Variants in C12orf50 observed in about 807,000 individuals in gnomAD.
C12orf50 encodes zinc finger CCCH-type containing 11D, also known as uncharacterized protein C12orf50.
In C12orf50, 35 loss-of-function variants were observed where a neutral mutation model predicts 61.6. That is an observed-to-expected ratio of 0.57 (90% CI 0.43 to 0.75). The LOEUF (loss-of-function observed/expected upper bound fraction) is 0.75. Ranked by LOEUF, C12orf50 falls within the 30% of genes least tolerant of loss-of-function variation. The pLI is 0.00. For synonymous variants in C12orf50, 178 were observed against 161.5 expected, an observed-to-expected ratio of 1.10 and a Z score of -0.77; for missense variants, 475 against 488.5, an observed-to-expected ratio of 0.97 and a Z score of 0.26.
In C12orf50 at chr12:88,002,045, G is replaced by T. The variant is rs559821978; in HGVS notation, c.134-3855C>A. Among the ~76,000 whole-genome samples the T allele has an allele frequency of 2.0e-5, 3 of 151,486 alleles. No individual in the cohort carries two copies. In the South Asian group the frequency reaches 6.2e-4, roughly 32 times the overall value. Reference sequence around the variant, plus strand: ...ATGTGCTTCATTCTGTTTGCTTTAGGTTTAATGTGCTTTTCTTTTTCCAGT... The same window carrying T: ...ATGTGCTTCATTCTGTTTGCTTTAGTTTTAATGTGCTTTTCTTTTTCCAGT... On this transcript the variant is annotated intron_variant, in intron 3 of 12. Transcript: ENST00000298699.
At chr12:88,014,690 G>A (rs1366407833) in intron 3 of C12orf50, among the ~76,000 whole-genome samples, 1 of 152,216 alleles carries the variant, frequency 6.6e-6, no homozygotes, top group East Asian at 1.9e-4. Context: ...TCTGGCCTCT[G>A]TGGACCTCAT....
At chr12:87,983,045 G>A (rs2136395841) in intron 12 of C12orf50, 58 bp downstream of exon 12, 1 of 1,061,148 alleles carries the variant, frequency 9.4e-7, no homozygotes, top group South Asian at 1.5e-5. Flanking sequence ...CCTTGCACTT[G>A]AAAACTTATT....
intron 12 of C12orf50, among the ~76,000 whole-genome samples, chr12:87,981,147 G>A (rs574475346): frequency 6.6e-6 from 1 of 152,254 alleles, no homozygotes; most frequent in South Asian, 2.1e-4. Flanking sequence ...GTCCAATTCA[G>A]TGATTTATTA....
intron 7 of C12orf50, among the ~76,000 whole-genome samples, chr12:87,994,026 C>G (rs914192548): frequency 7.2e-5 from 11 of 151,790 alleles, no homozygotes; most frequent in African/African-American, 2.7e-4. Flanking sequence ...ATGGTGAAAC[C>G]CCGTCTCTAC....
chr12:87,999,751 T>C (rs560382650), intron 3 of C12orf50, among the ~76,000 whole-genome samples: 12 of 152,130 alleles, frequency 7.9e-5, no homozygotes, highest in Non-Finnish European at 1.2e-4. Context: ...ACATTATTTA[T>C]AATAGTCAAA....
In C12orf50 at chr12:87,980,287, G is replaced by T; in HGVS notation, c.*44C>A. The stretch of plus-strand genomic sequence containing the variant: ...CATTTTTGATTGTAAATCAGATGAT[G>T]TCTGGCAATTTTTTCTCATTTTTCT... On this transcript the variant is annotated 3_prime_UTR_variant, in exon 13 of 13. Coordinates refer to ENST00000298699, the MANE Select transcript of C12orf50 (RefSeq NM_152589.3). 6.3e-7 allele frequency: 1 copy of T among 1,578,332 alleles called. No homozygotes were observed. The highest frequency in any genetic ancestry group is 8.7e-7 in the Non-Finnish European group (1 of 1,151,332).
intron 3 of C12orf50, among the ~76,000 whole-genome samples, chr12:88,009,119 A>C (rs933079498): frequency 6.6e-6 from 1 of 152,140 alleles, no homozygotes; most frequent in Non-Finnish European, 1.5e-5. Flanking sequence ...TATTTAATAC[A>C]TGTATCCAGA....
At chr12:87,996,324 A>G (rs753640279) in intron 6 of C12orf50, 50 bp downstream of exon 6, 3 of 1,250,930 alleles carry the variant, frequency 2.4e-6, no homozygotes, top group Non-Finnish European at 2.3e-6. Context: ...AGTCTATCAC[A>G]CCAAGTATAT....
In C12orf50 at chr12:88,000,083, A is replaced by T. The variant is rs142735680; in HGVS notation, c.134-1893T>A. 6.5e-3 allele frequency among the ~76,000 whole-genome samples: 994 copies of T among 152,206 alleles called. 13 individuals carry two copies. The highest frequency in any genetic ancestry group is 0.023 in the African/African-American group (955 of 41,572). ...GTGAGTTTGTTTTTTGGAGTGATCC[A>T]ATGTTTCATTGGAAAGAAATGAGAG... On this transcript the variant is annotated intron_variant, in intron 3 of 12. Transcript: ENST00000298699.
chr12:87,992,428 G>A (rs959449589), intron 7 of C12orf50, among the ~76,000 whole-genome samples: 1 of 151,968 alleles, frequency 6.6e-6, no homozygotes, highest in Admixed American at 6.6e-5. Context: ...TATACATAGA[G>A]AGAGAAATGC....
intron 3 of C12orf50, among the ~76,000 whole-genome samples, chr12:87,999,125 A>G (rs76614495): frequency 2.3e-3 from 348 of 152,328 alleles, no homozygotes; most frequent in Non-Finnish European, 4.1e-3. Flanking sequence ...ACACCTGCCA[A>G]CAAGTCCCAG....
chr12:88,028,636 A>G (rs2032792092), intron 1 of C12orf50, among the ~76,000 whole-genome samples: 1 of 152,154 alleles, frequency 6.6e-6, no homozygotes, highest in Admixed American at 6.5e-5. Context: ...AATTTCAAAT[A>G]GGAAAACAGA....
chr12:87,987,710 T>C (rs971471285), intron 9 of C12orf50, 140 bp downstream of exon 9: 6 of 616,954 alleles, frequency 9.7e-6, no homozygotes, highest in Middle Eastern at 4.1e-4. Flanking sequence ...GTAGAGGATA[T>C]TGTGTCTTTA....
At chr12:88,026,651 A>G in intron 2 of C12orf50, 43 bp from the exon 3 acceptor site, 1 of 1,602,886 alleles carries the variant, frequency 6.2e-7, no homozygotes, top group Non-Finnish European at 8.5e-7. Flanking sequence ...ATTAGATGCC[A>G]TATTTACAAC....
chr12:87,987,925 G>A lies in C12orf50; in HGVS notation c.742C>T (p.Arg248Ter), dbSNP rs762391760. 49 of 1,611,014 alleles carry A rather than the reference G, an allele frequency of 3.0e-5. No homozygotes were observed. Among genetic ancestry groups the A allele is most frequent in the South Asian group, 6.6e-5 (6 of 90,894 alleles). Residue 248 changes from arginine (R) to a stop codon, truncating the protein, a stop_gained, in exon 9 of 13, where the codon CGA (arginine) becomes TGA (stop). Transcript: ENST00000298699. LOFTEE classifies it high-confidence loss of function. Reference sequence around the variant, plus strand: ...AATACATGCGTTGTAGGTACTAGTCGGGTAGTTAGGGAATGCTTTGGATGA... The same window carrying A: ...AATACATGCGTTGTAGGTACTAGTCAGGTAGTTAGGGAATGCTTTGGATGA... ...SPHPKHSLTT[R>*]LVPTTHVLNA...
At chr12:88,007,679 T>C (rs929366681) in intron 3 of C12orf50, among the ~76,000 whole-genome samples, 5 of 152,210 alleles carry the variant, frequency 3.3e-5, no homozygotes, top group African/African-American at 1.2e-4. Flanking sequence ...TTTGGAGAAA[T>C]ACAAACAAGC....
intron 3 of C12orf50, among the ~76,000 whole-genome samples, chr12:88,025,752 A>G (rs2032681049): frequency 6.6e-6 from 1 of 152,204 alleles, no homozygotes; most frequent in Non-Finnish European, 1.5e-5. Flanking sequence ...AAACAAACAA[A>G]CAAACAAACA....
At chr12:88,003,376 A>G (rs371219969) in intron 3 of C12orf50, among the ~76,000 whole-genome samples, 3 of 152,020 alleles carry the variant, frequency 2.0e-5, no homozygotes, top group East Asian at 1.9e-4. Context: ...ATAGTTTTAT[A>G]CTTACACAAC....
chr12:88,028,378 CT>C (rs1303590282), intron 1 of C12orf50, among the ~76,000 whole-genome samples: 2 of 152,156 alleles, frequency 1.3e-5, no homozygotes, highest in African/African-American at 4.8e-5. Flanking sequence ...GACATATCAT[CT>C]TTTTCACTGG....
Sources: gnomAD v4.1 joint callset for allele counts (sites outside exome capture counted in the v4.1 genomes callset) on GRCh38, gnomAD v4.1.1 for gene constraint, MANE v1.5 for transcripts, NCBI Gene and HGNC (gene_info 2026-07-23, HGNC 2026-07-21) for gene names.